COL22A1: variants seen among roughly 807,000 people sequenced by gnomAD.
The protein encoded by COL22A1 is collagen alpha-1(XXII) chain.
In COL22A1, 221 loss-of-function variants were observed where a neutral mutation model predicts 248.9. That is an observed-to-expected ratio of 0.89 (90% confidence interval 0.80 to 0.99). The LOEUF is 0.99. Ranked by LOEUF, COL22A1 falls within the 50% of genes least tolerant of loss-of-function variation. The pLI is 0.00. For synonymous variants in COL22A1, 891 were observed against 793.4 expected (o/e 1.12, Z -2.07); for missense variants, 2,240 against 2,179.0 (o/e 1.03, Z -0.56).
chr8:138,658,887 C>CTCTTCTCTCTTCTCTCT (rs1169104232), intron 44 of COL22A1, among the ~76,000 whole-genome samples: 2 of 152,006 alleles, frequency 1.3e-5, no homozygotes, highest in African/African-American at 4.8e-5. Context: ...TCTCTCTTCT[C>CTCTTCTCTCTTCTCTCT]TCTCTCTCTC....
intron 36 of COL22A1, among the ~76,000 whole-genome samples, 190 bp downstream of exon 36, chr8:138,690,631 C>A (rs1316180357): frequency 6.6e-6 from 1 of 151,948 alleles, no homozygotes; most frequent in African/African-American, 2.4e-5. Context: ...GGATAGCTGG[C>A]GAGTTGCCTA....
chr8:138,654,804 A>T (rs866324115), intron 45 of COL22A1, among the ~76,000 whole-genome samples: 2 of 152,090 alleles, frequency 1.3e-5, no homozygotes, highest in Admixed American at 6.5e-5. Flanking sequence ...GCTGTGCCCT[A>T]TCTTGGCCGA....
At chr8:138,697,127 G>A (rs1347072922) in intron 32 of COL22A1, among the ~76,000 whole-genome samples, 1 of 152,132 alleles carries the variant, frequency 6.6e-6, no homozygotes, top group Non-Finnish European at 1.5e-5. Context: ...TCCTGCCCCA[G>A]AGCCTAGGAG....
intron 23 of COL22A1, among the ~76,000 whole-genome samples, chr8:138,725,690 C>G (rs1355492038): frequency 6.6e-6 from 1 of 152,008 alleles, no homozygotes; most frequent in Non-Finnish European, 1.5e-5. Flanking sequence ...ATTATCTATT[C>G]TGCTATATAT....
rs1326208014 is a variant in COL22A1 at position 138,650,484 on chromosome 8, G to A, written c.3334-706C>T. On this transcript the variant is annotated intron_variant, in intron 45 of 64. Transcript: ENST00000303045. Reference sequence around the variant, plus strand: ...CTGATTAGTTGGATCTTACAGTTTGGAGCACACTATGTGCCAAATAAAACT... The same window carrying A: ...CTGATTAGTTGGATCTTACAGTTTGAAGCACACTATGTGCCAAATAAAACT... Among the ~76,000 whole-genome samples, 3 of 152,192 alleles carry A rather than the reference G, an allele frequency of 2.0e-5. No homozygotes were observed. In the East Asian group the frequency reaches 5.8e-4, roughly 29 times the overall value.
chr8:138,619,442 A>G lies in COL22A1; in HGVS notation c.3825+13T>C, dbSNP rs1480141442. 1 of 1,613,374 alleles carries G rather than the reference A, an allele frequency of 6.2e-7. No individual in the cohort carries two copies. ...CTTGGTTCTACCGTTCCCCACACAC[A>G]CTACACACTTACAGGTGGGCCTCGG... is the stretch of plus-strand genomic sequence containing the variant. On this transcript the variant is annotated intron_variant, in intron 53 of 64. Transcript: ENST00000303045.
intron 43 of COL22A1, among the ~76,000 whole-genome samples, chr8:138,660,899 AACAC>A (rs139387200): frequency 9.3e-5 from 3 of 32,100 alleles, no homozygotes; most frequent in Non-Finnish European, 2.2e-4. Context: ...CAGACACACA[AACAC>A]ACACATACAC....
intron 5 of COL22A1, among the ~76,000 whole-genome samples, chr8:138,832,129 C>T (rs950946550): frequency 3.9e-5 from 6 of 152,084 alleles, no homozygotes; most frequent in South Asian, 4.1e-4. Flanking sequence ...GCCATGGCAA[C>T]GTCAGGAAGT....
rs1460800537 is a variant in COL22A1 at position 138,616,138 on chromosome 8, G to A, written c.3871-84C>T. ...ACCACAGGGGCACCTGAGGAGCTGGGAGAGGTGGAGAGGCCCAGGGGCCCT... is the reference window on the plus strand; with the variant it reads ...ACCACAGGGGCACCTGAGGAGCTGGAAGAGGTGGAGAGGCCCAGGGGCCCT... On this transcript the variant is annotated intron_variant, in intron 54 of 64. Coordinates refer to ENST00000303045, the MANE Select transcript of COL22A1 (RefSeq NM_152888.3). 9 of 1,084,804 alleles carry A rather than the reference G, an allele frequency of 8.3e-6. No homozygotes were observed. In the African/African-American group the frequency reaches 1.2e-4, roughly 15 times the overall value. 67.2% of individuals were successfully genotyped at this position (1,084,804 alleles called of 1,614,324 possible).
chr8:138,738,819 C>G (rs1831327747), intron 22 of COL22A1, among the ~76,000 whole-genome samples: 1 of 152,164 alleles, frequency 6.6e-6, no homozygotes, highest in African/African-American at 2.4e-5. Context: ...ATCGTCCTCT[C>G]CTCTCATTCA....
chr8:138,694,147 A>G (rs1016984193), intron 34 of COL22A1, among the ~76,000 whole-genome samples: 1 of 152,204 alleles, frequency 6.6e-6, no homozygotes, highest in Non-Finnish European at 1.5e-5. Flanking sequence ...ACTGGGATCC[A>G]TTTCCTGTTC....
chr8:138,669,723 C>G (rs1053871110), intron 41 of COL22A1, among the ~76,000 whole-genome samples: 1 of 152,110 alleles, frequency 6.6e-6, no homozygotes, highest in Non-Finnish European at 1.5e-5. Context: ...AAGGCAGTGG[C>G]ATGTCAAGCC....
At position 138,913,874 on chromosome 8, in the gene COL22A1, A is replaced by T. The variant is rs549292212; in HGVS notation, c.-328T>A. 6.6e-6 allele frequency: 1 copy of T among 152,396 alleles called. No individual in the cohort carries two copies. Among genetic ancestry groups the T allele is most frequent in the Non-Finnish European group, 1.5e-5 (1 of 68,138 alleles). The allele number at this position is 152,396 out of a possible 1,614,324, so 9.4% of individuals were successfully genotyped here. A position where few individuals can be genotyped will look rare whatever the true frequency, so the allele number is the denominator to read the frequency against. On this transcript the variant is annotated 5_prime_UTR_variant, in exon 1 of 65. Coordinates refer to ENST00000303045, the MANE Select transcript of COL22A1 (RefSeq NM_152888.3). ...TGAAAACAAGTAACTAAATACATAC[A>T]GTTAGAAGGAAAGGCTTGAAAGTTA...
At chr8:138,815,332 G>T (rs1818591113) in intron 7 of COL22A1, among the ~76,000 whole-genome samples, 1 of 152,200 alleles carries the variant, frequency 6.6e-6, no homozygotes, top group Non-Finnish European at 1.5e-5. Flanking sequence ...ACTTCCGAGA[G>T]CAAGGACCGA....
intron 44 of COL22A1, among the ~76,000 whole-genome samples, chr8:138,656,505 G>T (rs746472774): frequency 6.6e-6 from 1 of 152,156 alleles, no homozygotes; most frequent in South Asian, 2.1e-4. Context: ...AGCCTCTACA[G>T]GTAGGTAGGA....
rs576190555 is a variant in COL22A1 at position 138,609,842 on chromosome 8, C to T, written c.3979-1853G>A. On this transcript the variant is annotated intron_variant, in intron 56 of 64. Transcript: ENST00000303045. ...TGCCTGTGCTCTGTGCACTTGAGGC[C>T]TACTGGGGCTGGAACCTGGTTCCCT... 1.0e-3 allele frequency among the ~76,000 whole-genome samples: 154 copies of T among 152,250 alleles called. 1 individual carries two copies. The highest frequency in any genetic ancestry group is 3.6e-3 in the African/African-American group (149 of 41,568).
At chr8:138,688,802 A>AC in intron 37 of COL22A1, 115 bp downstream of exon 37, 1 of 817,758 alleles carries the variant, frequency 1.2e-6, no homozygotes, top group East Asian at 2.4e-5. Context: ...TACTTAGTAA[A>AC]CCCCTTCTGA....
intron 16 of COL22A1, among the ~76,000 whole-genome samples, chr8:138,774,255 T>C (rs901528184): frequency 5.9e-5 from 9 of 152,090 alleles, no homozygotes; most frequent in African/African-American, 9.7e-5. Flanking sequence ...CCTCCCTGAA[T>C]GAAAAGGGAC....
intron 3 of COL22A1, among the ~76,000 whole-genome samples, chr8:138,875,838 A>AGTGAAGTCACGTAT (rs1473176187): frequency 1.3e-5 from 2 of 152,226 alleles, no homozygotes; most frequent in Non-Finnish European, 2.9e-5. Flanking sequence ...GATATGGGTC[A>AGTGAAGTCACGTAT]GTGAAGTCAC....
Sources: allele counts gnomAD v4.1 joint callset (sites outside exome capture counted in the v4.1 genomes callset), GRCh38; gene constraint gnomAD v4.1.1; transcripts MANE v1.5; gene names NCBI Gene and HGNC (gene_info 2026-07-23, HGNC 2026-07-21).